Variants in COPG1 observed in about 807,000 individuals in gnomAD.
The protein encoded by COPG1 is coat protein complex I subunit gamma 1, also known as coatomer subunit gamma-1.
In COPG1, 29 loss-of-function variants were observed where a neutral mutation model predicts 102.8. That is an observed-to-expected ratio of 0.28 (90% CI 0.21 to 0.38). The LOEUF (loss-of-function observed/expected upper bound fraction) is 0.38, where lower values mean the gene tolerates loss of function less well. Among genes scored for constraint, COPG1 ranks in the 10% least tolerant of loss-of-function variants. COPG1 has a pLI of 1.00. For synonymous variants in COPG1, 406 were observed against 421.6 expected, an observed-to-expected ratio of 0.96 and a Z score of 0.45; for missense variants, 875 against 1,132.7, an observed-to-expected ratio of 0.77 and a Z score of 3.27.
intron 10 of COPG1, among the ~76,000 whole-genome samples, chr3:129,258,497 G>A (rs766391402): frequency 3.9e-5 from 6 of 152,122 alleles, no homozygotes; most frequent in Non-Finnish European, 7.3e-5. Context: ...TCACTATGTC[G>A]CCCAGGCTGG....
At chr3:129,277,251 T>C (rs765272780) in intron 23 of COPG1, 43 bp from the exon 24 acceptor site, 6 of 1,609,274 alleles carry the variant, frequency 3.7e-6, no homozygotes, top group Admixed American at 1.7e-5. Context: ...CCCTGTACAG[T>C]CCCTTCTGCT....
chr3:129,256,213 C>A, intron 8 of COPG1, 59 bp downstream of exon 8: 1 of 1,466,662 alleles, frequency 6.8e-7, no homozygotes, highest in Non-Finnish European at 9.5e-7. Flanking sequence ...AAGGCACTGG[C>A]CAGTTGGCAT....
At chr3:129,269,951 G>A (rs1940153401) in intron 18 of COPG1, among the ~76,000 whole-genome samples, 1 of 150,618 alleles carries the variant, frequency 6.6e-6, no homozygotes, top group Non-Finnish European at 1.5e-5. Context: ...TACTAGAGGT[G>A]GCCCGTATCC....
At chr3:129,264,361 A>C (rs1044234917) in intron 13 of COPG1, among the ~76,000 whole-genome samples, 5 of 152,078 alleles carry the variant, frequency 3.3e-5, no homozygotes, top group African/African-American at 1.2e-4. Context: ...ATAATACGAC[A>C]TTGGTTCTAT....
intron 2 of COPG1, 179 bp downstream of exon 2, chr3:129,250,913 T>A (rs938472867): frequency 3.5e-4 from 5 of 14,114 alleles, no homozygotes; most frequent in Non-Finnish European, 5.0e-4. Flanking sequence ...TGCTTACTTC[T>A]TTTTTTTTTT....
At chr3:129,256,226 A>G in intron 8 of COPG1, 72 bp downstream of exon 8, 2 of 1,249,216 alleles carry the variant, frequency 1.6e-6, no homozygotes. Flanking sequence ...GTTGGCATGG[A>G]CACTTGCCAC....
intron 15 of COPG1, chr3:129,267,336 T>C (rs1940082419): frequency 2.5e-5 from 9 of 362,766 alleles, no homozygotes; most frequent in South Asian, 2.4e-4. Flanking sequence ...AATAGCTCTA[T>C]TGAAGCCGGG....
chr3:129,275,091 T>C lies in COPG1; in HGVS notation c.2396-103T>C. The C allele has an allele frequency of 2.7e-6, 4 of 1,495,202 alleles. No individual in the cohort carries two copies. Among genetic ancestry groups the C allele is most frequent in the East Asian group, 2.3e-5 (1 of 44,062 alleles). The allele number at this position is 1,495,202 out of a possible 1,614,324, so 92.6% of individuals were successfully genotyped here. A position where few individuals can be genotyped will look rare whatever the true frequency, so the allele number is the denominator to read the frequency against. ...TCCAGGGCCATGTCTGGAGCACATA[T>C]GTCAAATGCCACTTCATTAAAAGCC... On this transcript the variant is annotated intron_variant, in intron 22 of 23. Transcript: ENST00000314797. This position sits in a 1 kb window ranked among gnomAD's most constrained non-coding sequence, Gnocchi z 5.0.
chr3:129,252,621 A>C lies in COPG1; in HGVS notation c.172-2A>C. 6 of 1,613,408 alleles carry C rather than the reference A, an allele frequency of 3.7e-6. No individual in the cohort carries two copies. The highest frequency in any genetic ancestry group is 5.1e-6 in the Non-Finnish European group (6 of 1,179,368). ...CTGAGACTTCTTTCTTGATTAACACAGGGGGAGCACCTGGGGACCACGGAA... is the reference window on the plus strand; with the variant it reads ...CTGAGACTTCTTTCTTGATTAACACCGGGGGAGCACCTGGGGACCACGGAA... On this transcript the variant is annotated splice_acceptor_variant, in intron 3 of 23. Coordinates refer to ENST00000314797, the MANE Select transcript of COPG1 (RefSeq NM_016128.4). LOFTEE classifies it high-confidence loss of function.
intron 13 of COPG1, among the ~76,000 whole-genome samples, chr3:129,264,990 T>A (rs541509125): frequency 3.4e-4 from 52 of 151,960 alleles, no homozygotes; most frequent in African/African-American, 1.2e-3. Flanking sequence ...CCCGGCTAAT[T>A]TTTTATATTT....
At chr3:129,265,498 C>G in intron 13 of COPG1, 51 bp from the exon 14 acceptor site, 1 of 1,596,902 alleles carries the variant, frequency 6.3e-7, no homozygotes, top group Non-Finnish European at 8.5e-7. Flanking sequence ...AGGTCTTCAA[C>G]TCTTTTCTGG....
rs574763832 is a variant in COPG1, at chr3:129,266,260, C to T, written c.1468+468C>T. Among the ~76,000 whole-genome samples, 7 of 152,164 alleles carry T rather than the reference C, an allele frequency of 4.6e-5. No individual in the cohort carries two copies. In the South Asian group the frequency reaches 6.2e-4, roughly 14 times the overall value. Reference sequence around the variant, plus strand: ...TGCTGGGATTACAGGCGTGAGCCACCGTGCTCGGCCATGGTTCTTAACCCC... The same window carrying T: ...TGCTGGGATTACAGGCGTGAGCCACTGTGCTCGGCCATGGTTCTTAACCCC... On this transcript the variant is annotated intron_variant, in intron 14 of 23. Coordinates refer to ENST00000314797, the MANE Select transcript of COPG1 (RefSeq NM_016128.4).
rs1325085268 is a variant in COPG1 at position 129,250,676 on chromosome 3, C to A, written c.38-6C>A. Reference sequence around the variant, plus strand: ...AACCTACCTTCTCCATTGTCCTTGACCGTAGGTGGAGGCTCCAACCCATTC... The same window carrying A: ...AACCTACCTTCTCCATTGTCCTTGAACGTAGGTGGAGGCTCCAACCCATTC... On this transcript the variant is annotated splice_polypyrimidine_tract_variant and splice_region_variant and intron_variant, in intron 1 of 23. Coordinates refer to ENST00000314797, the MANE Select transcript of COPG1 (RefSeq NM_016128.4). The A allele has an allele frequency of 6.2e-7, 1 of 1,613,588 alleles. No homozygotes were observed. Among genetic ancestry groups the A allele is most frequent in the East Asian group, 2.2e-5 (1 of 44,880 alleles).
At chr3:129,252,524 A>G in intron 3 of COPG1, 99 bp from the exon 4 acceptor site, 1 of 1,122,424 alleles carries the variant, frequency 8.9e-7, no homozygotes, top group Non-Finnish European at 1.3e-6. Flanking sequence ...GTTGCCCTTG[A>G]GCCTCTTTAG....
At chr3:129,259,121 G>A (rs1939871721) in intron 10 of COPG1, among the ~76,000 whole-genome samples, 1 of 152,050 alleles carries the variant, frequency 6.6e-6, no homozygotes, top group African/African-American at 2.4e-5. Flanking sequence ...GCAAACAGAT[G>A]GAGTTCATGT....
At chr3:129,263,633 G>A (rs1278381124) in intron 12 of COPG1, among the ~76,000 whole-genome samples, 1 of 152,172 alleles carries the variant, frequency 6.6e-6, no homozygotes, top group African/African-American at 2.4e-5. Flanking sequence ...GAGGGGACTC[G>A]GAGACTTAAG....
chr3:129,265,397 T>G, intron 13 of COPG1, 152 bp from the exon 14 acceptor site: 2 of 955,464 alleles, frequency 2.1e-6, no homozygotes, highest in Non-Finnish European at 1.6e-6. Flanking sequence ...TGACCAGCCT[T>G]TTGTTTGACA....
At chr3:129,252,135 C>T (rs886834422) in intron 2 of COPG1, 146 bp from the exon 3 acceptor site, 5 of 612,594 alleles carry the variant, frequency 8.2e-6, no homozygotes, top group Non-Finnish European at 1.5e-5. Flanking sequence ...AAAAACAAAC[C>T]CTTTCCTTAT....
chr3:129,252,346 TTA>T lies in COPG1; in HGVS notation c.158_159del (p.Tyr53SerfsTer28). 1 of 1,611,468 alleles carries T rather than the reference TTA, an allele frequency of 6.2e-7. No homozygotes were observed. Among genetic ancestry groups the T allele is most frequent in the Non-Finnish European group, 8.5e-7 (1 of 1,177,634 alleles). ...KCAHILTKIL[Y>X]LINQGEHLGT... Reference sequence around the variant, plus strand: ...GTGCCCACATCCTCACCAAGATTCTTTATCTCATAAACCAGGTAACAGGGTGA... The same window carrying T: ...GTGCCCACATCCTCACCAAGATTCTTTCTCATAAACCAGGTAACAGGGTGA... On this transcript the variant is annotated frameshift_variant, in exon 3 of 24. Coordinates refer to ENST00000314797, the MANE Select transcript of COPG1 (RefSeq NM_016128.4). LOFTEE classifies it high-confidence loss of function.
Sources: gnomAD v4.1 joint callset for allele counts (sites outside exome capture counted in the v4.1 genomes callset) on GRCh38, gnomAD v4.1.1 for gene constraint, Gnocchi (gnomAD v3.1) non-coding constraint, MANE v1.5 for transcripts, NCBI Gene and HGNC (gene_info 2026-07-23, HGNC 2026-07-21) for gene names.